The following GRHL2 variants were observed in gnomAD, a reference collection of about 807,000 sequenced individuals.
GRHL2 encodes the protein grainyhead-like protein 2 homolog.
GRHL2 carries 21 observed loss-of-function variants against 83.8 expected under a neutral mutation model. That is an observed-to-expected ratio of 0.25 (90% confidence interval 0.18 to 0.36). The LOEUF (loss-of-function observed/expected upper bound fraction) is 0.36, where lower values mean the gene tolerates loss of function less well. GRHL2 is among the 10% of genes least tolerant of loss of function. The pLI is 1.00. For missense variants in GRHL2, 623 were observed against 781.8 expected (o/e 0.80, Z 2.42); for synonymous variants, 280 against 278.9 (o/e 1.00, Z -0.04).
At chr8:101,608,735 T>TCACACACACACA (rs72332231) in intron 8 of GRHL2, among the ~76,000 whole-genome samples, 2 of 144,656 alleles carry the variant, frequency 1.4e-5, no homozygotes, top group Admixed American at 1.4e-4. Context: ...GCTCACTCTC[T>TCACACACACACA]CACACACACA....
At chr8:101,600,284 A>G (rs916345041) in intron 8 of GRHL2, among the ~76,000 whole-genome samples, 3 of 152,174 alleles carry the variant, frequency 2.0e-5, no homozygotes, top group Non-Finnish European at 4.4e-5. Context: ...AGGCCTTGCC[A>G]TGGGGTGTGA....
chr8:101,497,894 C>T (rs1358432608), intron 1 of GRHL2, among the ~76,000 whole-genome samples: 1 of 152,170 alleles, frequency 6.6e-6, no homozygotes, highest in East Asian at 1.9e-4. Context: ...ACTTCTTAGG[C>T]CTGCCCTAGA....
chr8:101,597,073 G>C (rs1460700889), intron 7 of GRHL2, among the ~76,000 whole-genome samples: 1 of 152,178 alleles, frequency 6.6e-6, no homozygotes, highest in Admixed American at 6.5e-5. Flanking sequence ...GTGCTCATCA[G>C]ATTAGCAAGA....
rs1563627690 is a variant in GRHL2, at chr8:101,652,611, G to GTGTGA, written c.1698+3114_1698+3115insTGATG. ...GTCTGTGTGTGTGTGGTGTGTGTGT[G>GTGTGA]TGGTGTGTGTGTGTGTGTACTATAC... On this transcript the variant is annotated intron_variant, in intron 14 of 15. Coordinates refer to ENST00000646743, the MANE Select transcript of GRHL2 (RefSeq NM_024915.4). Among the ~76,000 whole-genome samples, 68 of 100,506 alleles carry GTGTGA rather than the reference G, an allele frequency of 6.8e-4. 3 individuals are homozygous for GTGTGA. The East Asian group carries it at 0.014, about 20-fold the overall frequency. The allele number at this position is 100,506 out of a possible 152,430, so 65.9% of individuals were successfully genotyped here.
At chr8:101,497,827 T>C (rs1428020428) in intron 1 of GRHL2, among the ~76,000 whole-genome samples, 2 of 152,238 alleles carry the variant, frequency 1.3e-5, no homozygotes, top group Non-Finnish European at 2.9e-5. Flanking sequence ...CTGTGGACTT[T>C]TACTTTATGC....
chr8:101,569,605 G>T (rs1478967004), intron 4 of GRHL2, among the ~76,000 whole-genome samples: 1 of 152,102 alleles, frequency 6.6e-6, no homozygotes, highest in Non-Finnish European at 1.5e-5. Context: ...GGGTAGCTGG[G>T]ACTACAGGGA....
intron 8 of GRHL2, among the ~76,000 whole-genome samples, chr8:101,603,407 A>G (rs1219405396): frequency 6.6e-6 from 1 of 152,244 alleles, no homozygotes; most frequent in Non-Finnish European, 1.5e-5. Context: ...AGACCTGATA[A>G]TAAGGTTTAT....
chr8:101,551,575 G>C (rs1811380192), intron 2 of GRHL2, among the ~76,000 whole-genome samples: 1 of 151,468 alleles, frequency 6.6e-6, no homozygotes, highest in African/African-American at 2.4e-5. Flanking sequence ...CTGCTTTTTG[G>C]GTGCAAAGGA....
intron 7 of GRHL2, among the ~76,000 whole-genome samples, chr8:101,584,159 G>A (rs1460887079): frequency 6.6e-6 from 1 of 152,116 alleles, no homozygotes; most frequent in African/African-American, 2.4e-5. Flanking sequence ...AATCTTTCCT[G>A]TATCAGGATT....
chr8:101,562,425 C>A, intron 4 of GRHL2: 2 of 546,006 alleles, frequency 3.7e-6, no homozygotes, highest in South Asian at 4.1e-5. Context: ...TTATTGTGGA[C>A]AAACGTCATG....
intron 9 of GRHL2, among the ~76,000 whole-genome samples, chr8:101,625,036 A>AT (rs1341613150): frequency 6.6e-6 from 1 of 152,202 alleles, no homozygotes; most frequent in Non-Finnish European, 1.5e-5. Context: ...AGCATATTAA[A>AT]TATTAAGAAA....
At chr8:101,656,696 A>T (rs1586176702) in intron 14 of GRHL2, among the ~76,000 whole-genome samples, 1 of 152,350 alleles carries the variant, frequency 6.6e-6, no homozygotes, top group African/African-American at 2.4e-5. Flanking sequence ...AAATGAGAAT[A>T]ATAATATGAG....
intron 7 of GRHL2, among the ~76,000 whole-genome samples, chr8:101,589,610 A>C (rs1812235378): frequency 6.6e-6 from 1 of 152,228 alleles, no homozygotes; most frequent in South Asian, 2.1e-4. Flanking sequence ...CATTGTCTAT[A>C]TAATTCCTTC....
At chr8:101,584,756 G>A (rs1812127581) in intron 7 of GRHL2, among the ~76,000 whole-genome samples, 1 of 152,152 alleles carries the variant, frequency 6.6e-6, no homozygotes, top group African/African-American at 2.4e-5. Flanking sequence ...TGTAGGAAGA[G>A]GTGACGTCCA....
At chr8:101,661,784 A>G (rs1236073129) in intron 14 of GRHL2, among the ~76,000 whole-genome samples, 1 of 152,130 alleles carries the variant, frequency 6.6e-6, no homozygotes, top group Non-Finnish European at 1.5e-5. Context: ...GGATTTATGG[A>G]GTGAAATACT....
intron 9 of GRHL2, among the ~76,000 whole-genome samples, chr8:101,623,427 GCACAGTAGGACAGTA>G (rs1813003147): frequency 6.8e-6 from 1 of 146,006 alleles, no homozygotes; most frequent in Non-Finnish European, 1.5e-5. Flanking sequence ...AGTTCACAGT[GCACAGTAGGACAGTA>G]CACAGTAGGG....
At chr8:101,570,913 C>A (rs988128595) in intron 5 of GRHL2, among the ~76,000 whole-genome samples, 1 of 152,188 alleles carries the variant, frequency 6.6e-6, no homozygotes, top group South Asian at 2.1e-4. Context: ...CAACTTTCTC[C>A]TGAGCTATTG....
chr8:101,616,559 T>C (rs531154047), intron 8 of GRHL2, among the ~76,000 whole-genome samples: 63 of 152,304 alleles, frequency 4.1e-4, no homozygotes, highest in African/African-American at 1.4e-3. Flanking sequence ...TTCTTTACTG[T>C]TCCTCAGTCC....
chr8:101,500,072 C>T (rs1329001223), intron 1 of GRHL2, among the ~76,000 whole-genome samples: 1 of 151,882 alleles, frequency 6.6e-6, no homozygotes, highest in African/African-American at 2.4e-5. Flanking sequence ...GAGACTCTGT[C>T]TCAGAAAAAA....
Sources: gnomAD v4.1 joint callset for allele counts (sites outside exome capture counted in the v4.1 genomes callset) on GRCh38, gnomAD v4.1.1 for gene constraint, MANE v1.5 for transcripts, NCBI Gene and HGNC (gene_info 2026-07-23, HGNC 2026-07-21) for gene names.